The following RWDD2B variants were observed in gnomAD, a reference collection of about 807,000 sequenced individuals.
RWDD2B encodes RWD domain containing 2B.
A neutral mutation model predicts 33.6 loss-of-function variants in RWDD2B; 36 were observed. The observed-to-expected ratio is 1.07, with a 90% CI of 0.82 to 1.42. The LOEUF (loss-of-function observed/expected upper bound fraction) is 1.42, where lower values mean the gene tolerates loss of function less well. RWDD2B is among the 40% of genes most tolerant of loss of function. The pLI is 0.00. For missense variants in RWDD2B, 364 were observed against 377.5 expected (o/e 0.96, Z 0.30); for synonymous variants, 126 against 133.1 (o/e 0.95, Z 0.37).
chr21:29,015,624 G>A (rs2084886670), intron 1 of RWDD2B, among the ~76,000 whole-genome samples: 1 of 150,976 alleles, frequency 6.6e-6, no homozygotes, highest in Non-Finnish European at 1.5e-5. Flanking sequence ...CCGCCTCCTG[G>A]GTTCAAGTGA....
rs915284745 is a variant in RWDD2B, at chr21:29,007,696, A to C, written c.725+65T>G. On this transcript the variant is annotated intron_variant, in intron 4 of 4. Transcript: ENST00000493196. ...TGACCAAAACGTCACTAGGCAGCAC[A>C]TGACTGTATCTTGTTTAGTATTAAC... 13 of 1,534,570 alleles carry C rather than the reference A, an allele frequency of 8.5e-6. No homozygotes were observed. The South Asian group carries it at 1.6e-4, about 19-fold the overall frequency.
intron 1 of RWDD2B, among the ~76,000 whole-genome samples, chr21:29,014,873 T>C (rs1350180068): frequency 6.6e-6 from 1 of 152,026 alleles, no homozygotes; most frequent in African/African-American, 2.4e-5. Context: ...CTAAATTATA[T>C]TTCTTTAATA....
rs780362958 is a variant in RWDD2B at position 29,019,324 on chromosome 21, A to G, written c.-47T>C. On this transcript the variant is annotated 5_prime_UTR_variant, in exon 1 of 5. Coordinates refer to ENST00000493196, the MANE Select transcript of RWDD2B (RefSeq NM_016940.3). ...TAGCATACTGCGACCCAAAACTTAC[A>G]AACCGCCTCAGCTGGCGACCTACCG... 1.4e-6 allele frequency: 2 copies of G among 1,412,876 alleles called. No homozygotes were observed. The highest frequency in any genetic ancestry group is 4.0e-5 in the Admixed American group (2 of 49,966). 87.5% of individuals were successfully genotyped at this position (1,412,876 alleles called of 1,614,324 possible).
intron 1 of RWDD2B, among the ~76,000 whole-genome samples, chr21:29,011,638 G>T (rs1472939566): frequency 4.4e-5 from 6 of 136,336 alleles, no homozygotes; most frequent in Admixed American, 7.1e-5. Flanking sequence ...GGAGGGAGGT[G>T]GGGGGGTCAG....
rs2084819091 is a variant in RWDD2B at position 29,004,451 on chromosome 21, T to A, written c.*1966A>T. 2 of 152,238 alleles carry A rather than the reference T, an allele frequency of 1.3e-5. No homozygotes were observed. Among genetic ancestry groups the A allele is most frequent in the African/African-American group, 4.8e-5 (2 of 41,462 alleles). The allele number at this position is 152,238 out of a possible 1,614,324, so 9.4% of individuals were successfully genotyped here. A position where few individuals can be genotyped will look rare whatever the true frequency, so the allele number is the denominator to read the frequency against. On this transcript the variant is annotated 3_prime_UTR_variant, in exon 5 of 5. Transcript: ENST00000493196. The stretch of plus-strand genomic sequence containing the variant: ...ATACATAGCAATCTGGTTTTTAATA[T>A]AATGTAGAGAGACTGAAAAAGTTTT...
intron 1 of RWDD2B, among the ~76,000 whole-genome samples, chr21:29,011,092 C>G (rs964367969): frequency 7.3e-4 from 111 of 152,192 alleles, no homozygotes; most frequent in Middle Eastern, 3.4e-3. Context: ...GCCGCCACCC[C>G]GTCTGGGAAG....
chr21:29,017,386 C>A (rs372659189), intron 1 of RWDD2B, among the ~76,000 whole-genome samples: 3 of 151,508 alleles, frequency 2.0e-5, no homozygotes, highest in Non-Finnish European at 4.4e-5. Context: ...ATGAGGTGGG[C>A]GGATCACCTA....
At position 29,019,244 on chromosome 21, in the gene RWDD2B, G is replaced by T. The variant is rs1230986506; in HGVS notation, c.34C>A (p.Pro12Thr). The T allele has an allele frequency of 4.4e-6, 7 of 1,606,144 alleles. No individual in the cohort carries two copies. The South Asian group carries it at 7.8e-5, about 18-fold the overall frequency. The part of the protein sequence containing the change: ...KIELSMQPWN[P>T]GYSSEGATAQ... ...GTGGCCCCCTCACTGCTGTAACCCG[G>T]GTTCCATGGCTGCATGGACAGCTCA... Residue 12 changes from proline (P) to threonine (T), a missense_variant, in exon 1 of 5, where the codon CCG becomes ACG. Pro to Thr is a conservative substitution (Grantham distance 38). Coordinates refer to ENST00000493196, the MANE Select transcript of RWDD2B (RefSeq NM_016940.3).
In RWDD2B at chr21:29,014,483, A is replaced by G. The variant is rs372344604; in HGVS notation, c.67+4728T>C. 1.1e-4 allele frequency among the ~76,000 whole-genome samples: 17 copies of G among 152,346 alleles called. No homozygotes were observed. In the South Asian group the frequency reaches 2.5e-3, roughly 22 times the overall value. ...TTCTAACACATGAACTTTGGGGCAC[A>G]CATTAAACCACAGCAGAGACCATCT... On this transcript the variant is annotated intron_variant, in intron 1 of 4. Transcript: ENST00000493196.
intron 1 of RWDD2B, among the ~76,000 whole-genome samples, chr21:29,018,830 T>C (rs1360152806): frequency 6.6e-6 from 1 of 152,078 alleles, no homozygotes; most frequent in African/African-American, 2.4e-5. Flanking sequence ...GCCTTTATTA[T>C]TTTTTTAAAA....
At position 29,008,442 on chromosome 21, in the gene RWDD2B, C is replaced by A; in HGVS notation, c.247G>T (p.Val83Phe). The change falls in exon 2 of 5, where the codon GTC (valine) becomes TTC (phenylalanine). Residue 83 changes from valine to phenylalanine, a missense_variant. Transcript: ENST00000493196. ...AGGTTCATATTGATAGTAAAGTAGA[C>A]TTTTGAAGATCGCCCCTCCATTGTC... ...KKTMEGRSSK[V>F]YFTINMNLDV... 6.2e-7 allele frequency: 1 copy of A among 1,614,184 alleles called. No homozygotes were observed. Among genetic ancestry groups the A allele is most frequent in the Non-Finnish European group, 8.5e-7 (1 of 1,180,024 alleles).
chr21:29,013,559 G>A (rs1192301242), intron 1 of RWDD2B, among the ~76,000 whole-genome samples: 3 of 151,882 alleles, frequency 2.0e-5, no homozygotes, highest in South Asian at 2.1e-4. Flanking sequence ...CGTGGTGGCC[G>A]GCGCCTGTAG....
At position 29,007,872 on chromosome 21, in the gene RWDD2B, T is replaced by G; in HGVS notation, c.614A>C (p.Asn205Thr). The change falls in exon 4 of 5, where the codon AAT (asparagine) becomes ACT (threonine). Residue 205 changes from asparagine (N) to threonine (T), a missense_variant. Physicochemically the swap from Asn to Thr is moderately conservative, Grantham distance 65. Coordinates refer to ENST00000493196, the MANE Select transcript of RWDD2B (RefSeq NM_016940.3). ...AAGCTCCTTTGCCCACTCTAGAATA[T>G]TCTTTCTTTTGCATTTGTTATAGAT... is the stretch of plus-strand genomic sequence containing the variant. ...HHIYNKCKRK[N>T]ILEWAKELSL... The G allele has an allele frequency of 6.2e-7, 1 of 1,614,270 alleles. No individual in the cohort carries two copies. The highest frequency in any genetic ancestry group is 1.1e-5 in the South Asian group (1 of 91,086).
chr21:29,010,423 A>AT (rs1321113679), intron 1 of RWDD2B, among the ~76,000 whole-genome samples: 3 of 78,910 alleles, frequency 3.8e-5, no homozygotes, highest in Admixed American at 1.4e-4. Context: ...CCTGGGTAAC[A>AT]TAACGAAACC....
At chr21:29,015,525 A>G (rs972720126) in intron 1 of RWDD2B, among the ~76,000 whole-genome samples, 1 of 130,094 alleles carries the variant, frequency 7.7e-6, no homozygotes, top group African/African-American at 2.9e-5. Context: ...CGCCACACCT[A>G]GTCTTTTTTT....
intron 1 of RWDD2B, among the ~76,000 whole-genome samples, chr21:29,015,189 A>G (rs1363990188): frequency 9.4e-6 from 1 of 106,934 alleles, no homozygotes; most frequent in East Asian, 2.7e-4. Flanking sequence ...AGAATTTTTC[A>G]TTGTCTTTGG....
chr21:29,012,700 C>A (rs2084870477), intron 1 of RWDD2B, among the ~76,000 whole-genome samples: 1 of 152,086 alleles, frequency 6.6e-6, no homozygotes, highest in Non-Finnish European at 1.5e-5. Context: ...TATCTGCTGA[C>A]CTTCCCTCCA....
chr21:29,006,601 A>ATT lies in RWDD2B; in HGVS notation c.775_776insAA (p.Ile259LysfsTer44). The ATT allele has an allele frequency of 6.2e-7, 1 of 1,613,214 alleles. No individual in the cohort carries two copies. The highest frequency in any genetic ancestry group is 1.1e-5 in the South Asian group (1 of 90,712). On this transcript the variant is annotated frameshift_variant, in exon 5 of 5. Transcript: ENST00000493196. LOFTEE classifies it high-confidence loss of function. ...TTCATCATTTGTACCATCAAAAGGA[A>ATT]TGTCTTCTCGATGGCGAATTAAAAT...
Position 29,006,567 on chromosome 21 carries a change from T to A in RWDD2B, c.810A>T (p.Arg270Ser), listed in dbSNP as rs2084829851. Residue 270 changes from arginine to serine, a missense_variant, in exon 5 of 5, where the codon AGA becomes AGT. Physicochemically the swap from Arg to Ser is moderately radical, Grantham distance 110 (BLOSUM62 -1). Transcript: ENST00000493196. ...PFDGTNDETE[R>S]QRKFSIFEEK... ...CTTCAAAAATGGAAAATTTCCTTTG[T>A]CTTTCCGTTTCATCATTTGTACCAT... 7 of 1,613,878 alleles carry A rather than the reference T, an allele frequency of 4.3e-6. No individual in the cohort carries two copies. Among genetic ancestry groups the A allele is most frequent in the Non-Finnish European group, 5.9e-6 (7 of 1,179,848 alleles).
Sources: gnomAD v4.1 joint callset for allele counts (sites outside exome capture counted in the v4.1 genomes callset) on GRCh38, gnomAD v4.1.1 for gene constraint, MANE v1.5 for transcripts, NCBI Gene and HGNC (gene_info 2026-07-23, HGNC 2026-07-21) for gene names.